RGS5: variants seen among roughly 807,000 people sequenced by gnomAD.
RGS5 encodes the protein regulator of G-protein signalling 5.
A neutral mutation model predicts 18.9 loss-of-function variants in RGS5; 20 were observed. The observed-to-expected ratio is 1.06, with a 90% CI of 0.74 to 1.54. The LOEUF is 1.54. Among genes scored for constraint, RGS5 ranks in the 40% most tolerant of loss-of-function variants. RGS5 has a pLI of 0.00. For synonymous variants in RGS5, 57 were observed against 76.2 expected (o/e 0.75, Z 1.31); for missense variants, 201 against 211.8 (o/e 0.95, Z 0.32).
At chr1:163,160,010 C>G (rs942497157) in intron 3 of RGS5, among the ~76,000 whole-genome samples, 1 of 152,114 alleles carries the variant, frequency 6.6e-6, no homozygotes, top group Non-Finnish European at 1.5e-5. Context: ...TGGTAATCAT[C>G]TGTTTGCAAG....
At chr1:163,317,787 G>GT (rs1473453715) in intron 1 of RGS5, among the ~76,000 whole-genome samples, 1 of 150,720 alleles carries the variant, frequency 6.6e-6, no homozygotes, top group East Asian at 1.9e-4. Flanking sequence ...TAGAATACTT[G>GT]TTTTTTACCC....
chr1:163,238,039 T>C (rs1228035403), intron 2 of RGS5: 1 of 156,116 alleles, frequency 6.4e-6, no homozygotes, highest in African/African-American at 2.4e-5. Context: ...TTGATGACTT[T>C]AATGGTTATG....
At chr1:163,310,957 A>G (rs1367895603) in intron 1 of RGS5, among the ~76,000 whole-genome samples, 1 of 152,128 alleles carries the variant, frequency 6.6e-6, no homozygotes, top group African/African-American at 2.4e-5. Flanking sequence ...CCCTTATAAA[A>G]CCGTCAGATC....
In RGS5 at chr1:163,212,500, C is replaced by T. The variant is rs187370300; in HGVS notation, c.69+5026G>A. ...TAAGTACATGGCTTGATTCTCAAAGCACCAAGGCACAGGCACTGGCTCATC... is the reference window on the plus strand; with the variant it reads ...TAAGTACATGGCTTGATTCTCAAAGTACCAAGGCACAGGCACTGGCTCATC... On this transcript the variant is annotated intron_variant, in intron 1 of 5. Coordinates refer to the RGS5 transcript ENST00000367903. 4 of 152,358 alleles carry T rather than the reference C, an allele frequency of 2.6e-5. No individual in the cohort carries two copies. The East Asian group carries it at 7.7e-4, about 29-fold the overall frequency. The allele number at this position is 152,358 out of a possible 1,614,324, so 9.4% of individuals were successfully genotyped here. A position where few individuals can be genotyped will look rare whatever the true frequency, so the allele number is the denominator to read the frequency against.
At chr1:163,208,208 C>T (rs779974295) in intron 1 of RGS5, among the ~76,000 whole-genome samples, 9 of 151,390 alleles carry the variant, frequency 5.9e-5, no homozygotes, top group Non-Finnish European at 1.2e-4. Context: ...ATTAGCCGGG[C>T]GTGGTGGCGG....
intron 2 of RGS5, among the ~76,000 whole-genome samples, chr1:163,252,840 G>A (rs569080258): frequency 1.3e-5 from 2 of 152,252 alleles, no homozygotes; most frequent in Admixed American, 1.3e-4. Context: ...ATGGATTCTA[G>A]CCTTGGATTT....
intron 1 of RGS5, among the ~76,000 whole-genome samples, chr1:163,186,073 CTTTTT>C (rs34446894): frequency 5.0e-5 from 7 of 139,106 alleles, no homozygotes; most frequent in Non-Finnish European, 3.1e-5. Context: ...AAAAAAAGGT[CTTTTT>C]TTTTTTTTTT....
At position 163,144,537 on chromosome 1, in the gene RGS5, CA is replaced by C. The variant is rs1470628045; in HGVS notation, c.*2804del. ...TTCTACATCCTCAATTCACTCCCAA[CA>C]GTAGTTACGTTTTCACAGGGGAGGA... is the stretch of plus-strand genomic sequence containing the variant. On this transcript the variant is annotated 3_prime_UTR_variant, in exon 5 of 5. Transcript: ENST00000313961. The C allele has an allele frequency of 2.6e-5, 4 of 152,116 alleles. No homozygotes were observed. Among genetic ancestry groups the C allele is most frequent in the Non-Finnish European group, 5.9e-5 (4 of 67,952 alleles). 9.4% of individuals were successfully genotyped at this position (152,116 alleles called of 1,614,324 possible). A position where few individuals can be genotyped will look rare whatever the true frequency, so the allele number is the denominator to read the frequency against.
chr1:163,317,823 A>G (rs1485944648), intron 1 of RGS5, among the ~76,000 whole-genome samples: 1 of 150,746 alleles, frequency 6.6e-6, no homozygotes, highest in East Asian at 1.9e-4. Context: ...ATTATCAAGC[A>G]TGGAGCCAAT....
chr1:163,192,474 T>C (rs73026860), intron 1 of RGS5, among the ~76,000 whole-genome samples: 9,989 of 150,712 alleles, frequency 0.066, 1,005 homozygotes, highest in African/African-American at 0.21. Context: ...ACTATGGAGA[T>C]AGAAAAGACC....
In RGS5 at chr1:163,225,350, C is replaced by T. The variant is rs147692316; in HGVS notation, c.-280-56982G>A. ...CCAGATTTACCCATCCTCATGAATC[C>T]GTTACTTCCCAATGGATCTATGGGG... On this transcript the variant is annotated intron_variant, in intron 2 of 5. Coordinates refer to the RGS5 transcript ENST00000618415. Among the ~76,000 whole-genome samples, 767 of 152,236 alleles carry T rather than the reference C, an allele frequency of 5.0e-3. 8 individuals carry two copies. Among genetic ancestry groups the T allele is most frequent in the African/African-American group, 0.017 (710 of 41,536 alleles).
At chr1:163,220,106 T>A (rs895672782), upstream of RGS5, among the ~76,000 whole-genome samples, 1 of 152,180 alleles carries the variant, frequency 6.6e-6, no homozygotes, top group African/African-American at 2.4e-5. Context: ...TTCTTTTGCT[T>A]GTTTAGTGGT....
intron 2 of RGS5, among the ~76,000 whole-genome samples, chr1:163,293,190 G>C (rs1305484957): frequency 6.6e-6 from 1 of 152,118 alleles, no homozygotes; most frequent in East Asian, 1.9e-4. Flanking sequence ...GTTGAGTTTT[G>C]TATGTGGTGT....
At chr1:163,179,953 T>A (rs532678912) in intron 1 of RGS5, among the ~76,000 whole-genome samples, 5 of 152,320 alleles carry the variant, frequency 3.3e-5, no homozygotes, top group Admixed American at 2.6e-4. Context: ...CAATCTACAT[T>A]ATTTAGACTT....
At chr1:163,180,686 GTTTTTTTTTT>G (rs1026995196) in intron 1 of RGS5, among the ~76,000 whole-genome samples, 2 of 61,982 alleles carry the variant, frequency 3.2e-5, no homozygotes, top group East Asian at 4.3e-4. Flanking sequence ...CCCTTACCCT[GTTTTTTTTTT>G]TTTTTTTTTT....
At chr1:163,231,754 T>TAAAAA (rs59080668) in intron 2 of RGS5, among the ~76,000 whole-genome samples, 6,832 of 133,182 alleles carry the variant, frequency 0.051, 215 homozygotes, top group South Asian at 0.095. Flanking sequence ...GTGGTAAAAT[T>TAAAAA]AAAAAAAAAA....
Position 163,190,673 on chromosome 1 carries a change from C to A in RGS5, c.44+12119G>T, listed in dbSNP as rs150568300. On this transcript the variant is annotated intron_variant, in intron 1 of 4. Transcript: ENST00000313961. Reference sequence around the variant, plus strand: ...AGTTCCACGGTGTATGGACAGCATCCTGTTGGAAGGCTGTCACTCCTATCA... The same window carrying A: ...AGTTCCACGGTGTATGGACAGCATCATGTTGGAAGGCTGTCACTCCTATCA... Among the ~76,000 whole-genome samples, 3 of 152,316 alleles carry A rather than the reference C, an allele frequency of 2.0e-5. No individual in the cohort carries two copies. The East Asian group carries it at 5.8e-4, about 29-fold the overall frequency.
intron 1 of RGS5, among the ~76,000 whole-genome samples, chr1:163,213,886 T>C (rs1660162818): frequency 6.6e-6 from 1 of 152,152 alleles, no homozygotes. Context: ...AATTTCGTCA[T>C]TACCAGAAAC....
At chr1:163,311,518 G>C (rs1176366726) in intron 1 of RGS5, among the ~76,000 whole-genome samples, 1 of 152,104 alleles carries the variant, frequency 6.6e-6, no homozygotes, top group Admixed American at 6.5e-5. Context: ...TGAGACATTT[G>C]ACTCTTTCTT....
Sources: allele counts gnomAD v4.1 joint callset (sites outside exome capture counted in the v4.1 genomes callset), GRCh38; gene constraint gnomAD v4.1.1; transcripts MANE v1.5; gene names NCBI Gene and HGNC (gene_info 2026-07-23, HGNC 2026-07-21).